CAMTA1: variants seen among roughly 807,000 people sequenced by gnomAD.
CAMTA1 encodes calmodulin-binding transcription activator 1.
In CAMTA1, 27 loss-of-function variants were observed where a neutral mutation model predicts 170.9. The observed-to-expected ratio is 0.16, with a 90% CI of 0.12 to 0.22. The LOEUF (loss-of-function observed/expected upper bound fraction) is 0.22, where lower values mean the gene tolerates loss of function less well. Ranked by LOEUF, CAMTA1 falls within the 10% of genes least tolerant of loss-of-function variation. CAMTA1 has a pLI of 1.00. For missense variants in CAMTA1, 1,619 were observed against 2,217.2 expected, an observed-to-expected ratio of 0.73 and a Z score of 5.42; for synonymous variants, 833 against 891.5, an observed-to-expected ratio of 0.93 and a Z score of 1.17.
rs767323697 is a variant in CAMTA1 at position 7,609,987 on chromosome 1, G to A, written c.511-30413G>A. On this transcript the variant is annotated intron_variant, in intron 6 of 22. Coordinates refer to ENST00000303635, the MANE Select transcript of CAMTA1 (RefSeq NM_015215.4). The surrounding 1 kb of genome is among the most constrained non-coding windows in gnomAD (Gnocchi z 4.4). Reference sequence around the variant, plus strand: ...CTTTACCTGAAATACAGCACCTGCCGGGTCTGTCCACACTGTGTGTGCACT... The same window carrying A: ...CTTTACCTGAAATACAGCACCTGCCAGGTCTGTCCACACTGTGTGTGCACT... Among the ~76,000 whole-genome samples the A allele has an allele frequency of 6.6e-6, 1 of 152,202 alleles. No homozygotes were observed. The highest frequency in any genetic ancestry group is 1.5e-5 in the Non-Finnish European group (1 of 68,038).
At chr1:6,914,102 C>CTTTTTT (rs35814913) in intron 3 of CAMTA1, among the ~76,000 whole-genome samples, 8,008 of 121,424 alleles carry the variant, frequency 0.066, 243 homozygotes, top group Non-Finnish European at 0.074. Context: ...GGGCTCATCT[C>CTTTTTT]TTTTTTTTTT....
intron 3 of CAMTA1, among the ~76,000 whole-genome samples, chr1:6,868,015 G>A (rs150791322): frequency 6.6e-6 from 1 of 152,146 alleles, no homozygotes; most frequent in Non-Finnish European, 1.5e-5. Flanking sequence ...TATATTGCCC[G>A]GCTAGTCTCA....
Position 7,421,896 on chromosome 1 carries a change from C to T in CAMTA1, c.439-45934C>T, listed in dbSNP as rs2091584115. 4.6e-5 allele frequency among the ~76,000 whole-genome samples: 7 copies of T among 151,990 alleles called. No individual in the cohort carries two copies. In the South Asian group the frequency reaches 1.5e-3, roughly 32 times the overall value. On this transcript the variant is annotated intron_variant, in intron 5 of 22. Coordinates refer to ENST00000303635, the MANE Select transcript of CAMTA1 (RefSeq NM_015215.4). Reference sequence around the variant, plus strand: ...GCGCTCACTCCACACTGGAAGCCTCCCTCCCCTGGCAAGCGTTGCTCTGTG... The same window carrying T: ...GCGCTCACTCCACACTGGAAGCCTCTCTCCCCTGGCAAGCGTTGCTCTGTG...
At chr1:7,407,949 T>C (rs1333186085) in intron 5 of CAMTA1, among the ~76,000 whole-genome samples, 1 of 152,094 alleles carries the variant, frequency 6.6e-6, no homozygotes, top group African/African-American at 2.4e-5. Flanking sequence ...AGAGGACTTG[T>C]TTGCTTCTTA....
intron 6 of CAMTA1, among the ~76,000 whole-genome samples, chr1:7,627,002 G>A (rs1263190112): frequency 3.3e-5 from 5 of 152,196 alleles, no homozygotes. Context: ...GTCACTTGAT[G>A]CCTGTATCAT....
intron 5 of CAMTA1, among the ~76,000 whole-genome samples, chr1:7,422,061 G>C (rs1488394478): frequency 6.6e-6 from 1 of 152,124 alleles, no homozygotes; most frequent in Admixed American, 6.5e-5. Flanking sequence ...GGAGAAAAGT[G>C]CCACATGTCA....
intron 6 of CAMTA1, among the ~76,000 whole-genome samples, chr1:7,583,941 C>T (rs1396409282): frequency 6.6e-6 from 1 of 152,106 alleles, no homozygotes; most frequent in African/African-American, 2.4e-5. Context: ...TCCCCTGGGA[C>T]CCTGAGCTCT....
At chr1:6,874,027 A>G (rs1026963457) in intron 3 of CAMTA1, 4 of 152,246 alleles carry the variant, frequency 2.6e-5, no homozygotes, top group African/African-American at 7.2e-5. Context: ...GACTTAAAAT[A>G]TAGGAGTTGT....
chr1:7,424,325 A>G (rs931422502), intron 5 of CAMTA1, among the ~76,000 whole-genome samples: 4 of 152,188 alleles, frequency 2.6e-5, no homozygotes, highest in African/African-American at 9.7e-5. Context: ...CCTCTGCTCT[A>G]CAAATTAAAT....
At chr1:6,864,387 C>T (rs960418203) in intron 3 of CAMTA1, among the ~76,000 whole-genome samples, 1 of 152,168 alleles carries the variant, frequency 6.6e-6, no homozygotes. Flanking sequence ...AGCCCAGTCT[C>T]CACCCAGATG....
At chr1:7,231,411 A>G (rs987456861) in intron 4 of CAMTA1, among the ~76,000 whole-genome samples, 1 of 151,878 alleles carries the variant, frequency 6.6e-6, no homozygotes, top group Non-Finnish European at 1.5e-5. Flanking sequence ...TCTGTCGCCC[A>G]GGCTGGAGTG....
intron 6 of CAMTA1, among the ~76,000 whole-genome samples, chr1:7,511,303 C>G (rs1308334862): frequency 6.9e-6 from 1 of 145,592 alleles, no homozygotes; most frequent in Non-Finnish European, 1.5e-5. Context: ...AGCTCCGTGA[C>G]CTTGAGTGTC....
At chr1:6,902,423 C>T (rs1677322777) in intron 3 of CAMTA1, among the ~76,000 whole-genome samples, 2 of 152,142 alleles carry the variant, frequency 1.3e-5, no homozygotes, top group African/African-American at 4.8e-5. Context: ...GTCTCGAATG[C>T]ATTATGATTA....
chr1:7,498,864 G>A (rs1284375686), intron 6 of CAMTA1, among the ~76,000 whole-genome samples: 17 of 150,018 alleles, frequency 1.1e-4, no homozygotes, highest in African/African-American at 4.2e-4. Context: ...GAGTGTGTGT[G>A]TGCATGAGTG....
intron 3 of CAMTA1, among the ~76,000 whole-genome samples, chr1:7,061,228 G>A (rs1708156455): frequency 6.6e-6 from 1 of 152,236 alleles, no homozygotes; most frequent in East Asian, 1.9e-4. Flanking sequence ...CACGCCAGGG[G>A]CGATGCCAGG....
chr1:7,359,983 G>C (rs2085418113), intron 5 of CAMTA1, among the ~76,000 whole-genome samples: 1 of 152,106 alleles, frequency 6.6e-6, no homozygotes, highest in Non-Finnish European at 1.5e-5. Context: ...TGGGAGGGAG[G>C]ATCTGTCTTG....
intron 11 of CAMTA1, among the ~76,000 whole-genome samples, chr1:7,695,126 C>T (rs966552359): frequency 1.2e-4 from 19 of 152,166 alleles, no homozygotes; most frequent in African/African-American, 4.6e-4. Context: ...TAGCTCTGTA[C>T]AGGGCCTGCA....
intron 22 of CAMTA1, among the ~76,000 whole-genome samples, chr1:7,763,094 T>C (rs1439784004): frequency 2.6e-5 from 4 of 152,244 alleles, no homozygotes; most frequent in Admixed American, 6.5e-5. Flanking sequence ...ATTTATTAAC[T>C]GTGTGAATTG....
chr1:6,980,370 T>A (rs1418556523), intron 3 of CAMTA1, among the ~76,000 whole-genome samples: 2 of 151,988 alleles, frequency 1.3e-5, no homozygotes, highest in East Asian at 3.9e-4. Flanking sequence ...AGGGGTGGGA[T>A]CCCCTTTAGG....
Sources: allele counts gnomAD v4.1 joint callset (sites outside exome capture counted in the v4.1 genomes callset), GRCh38; gene constraint gnomAD v4.1.1; non-coding constraint Gnocchi (gnomAD v3.1); transcripts MANE v1.5; gene names NCBI Gene and HGNC (gene_info 2026-07-23, HGNC 2026-07-21).